The following SHOC2 variants were observed in gnomAD, a reference collection of about 807,000 sequenced individuals.
The protein encoded by SHOC2 is SHOC2 leucine rich repeat scaffold protein.
Under a neutral mutation model 50.2 loss-of-function variants are expected in SHOC2, and 4 were observed. That is an observed-to-expected ratio of 0.08 (90% CI 0.04 to 0.18). The LOEUF (loss-of-function observed/expected upper bound fraction) is 0.18, where lower values mean the gene tolerates loss of function less well. Ranked by LOEUF, SHOC2 falls within the 10% of genes least tolerant of loss-of-function variation. The probability of loss-of-function intolerance (pLI) is 1.00; values close to 1 mark genes in which losing one functional copy is unlikely to be tolerated. For synonymous variants in SHOC2, 218 were observed against 244.5 expected, an observed-to-expected ratio of 0.89 and a Z score of 1.01; for missense variants, 388 against 669.6, an observed-to-expected ratio of 0.58 and a Z score of 4.64.
intron 1 of SHOC2, among the ~76,000 whole-genome samples, chr10:110,942,850 A>G (rs2134093207): frequency 6.6e-6 from 1 of 152,326 alleles, no homozygotes; most frequent in Admixed American, 6.5e-5. Context: ...GACAGTTTAA[A>G]AAAATTCTTT....
chr10:110,964,202 T>G lies in SHOC2; in HGVS notation c.-157T>G. On this transcript the variant is annotated 5_prime_UTR_variant, in exon 2 of 9. An upstream open reading frame in the 5' UTR gains an earlier in-frame stop. Coordinates refer to ENST00000369452, the MANE Select transcript of SHOC2 (RefSeq NM_007373.4). The surrounding 1 kb of genome is among the most constrained non-coding windows in gnomAD (Gnocchi z 4.9). The stretch of plus-strand genomic sequence containing the variant: ...TGATCAGAAATGGGCATAGTGCTTT[T>G]AGATCCAACATGTAACAGATGGATG... 1 of 1,148,452 alleles carries G rather than the reference T, an allele frequency of 8.7e-7. No homozygotes were observed. The highest frequency in any genetic ancestry group is 1.6e-5 in the South Asian group (1 of 63,042). 71.1% of individuals were successfully genotyped at this position (1,148,452 alleles called of 1,614,324 possible). A position where few individuals can be genotyped will look rare whatever the true frequency, so the allele number is the denominator to read the frequency against.
At chr10:111,003,386 A>G (rs1213833541) in intron 4 of SHOC2, among the ~76,000 whole-genome samples, 1 of 152,192 alleles carries the variant, frequency 6.6e-6, no homozygotes, top group Non-Finnish European at 1.5e-5. Flanking sequence ...TTCAAGATCT[A>G]GCTCACTGTC....
intron 3 of SHOC2, among the ~76,000 whole-genome samples, chr10:110,989,740 A>G (rs1406008623): frequency 6.6e-6 from 1 of 152,144 alleles, no homozygotes; most frequent in Non-Finnish European, 1.5e-5. Flanking sequence ...ATTTTTCAGG[A>G]TCATATTTTC....
chr10:110,921,138 GC>G (rs1846638612), intron 1 of SHOC2, among the ~76,000 whole-genome samples: 2 of 152,252 alleles, frequency 1.3e-5, no homozygotes. Context: ...AAGAGACTTA[GC>G]TATTGCATCC....
At chr10:110,989,229 T>G (rs1219797435) in intron 3 of SHOC2, among the ~76,000 whole-genome samples, 1 of 152,240 alleles carries the variant, frequency 6.6e-6, no homozygotes, top group Non-Finnish European at 1.5e-5. Flanking sequence ...TCAATGAGTT[T>G]ATTCTACTTT....
chr10:110,948,364 C>T (rs1847288089), intron 1 of SHOC2, among the ~76,000 whole-genome samples: 1 of 152,152 alleles, frequency 6.6e-6, no homozygotes. Context: ...AAATAACAGA[C>T]TTGAACAACA....
intron 1 of SHOC2, among the ~76,000 whole-genome samples, chr10:110,952,515 C>T (rs1847375550): frequency 6.6e-6 from 1 of 152,000 alleles, no homozygotes; most frequent in Non-Finnish European, 1.5e-5. Flanking sequence ...ACCTATTCAT[C>T]CCTCACTCCC....
chr10:110,961,365 C>T (rs1363237007), intron 1 of SHOC2, among the ~76,000 whole-genome samples: 2 of 152,096 alleles, frequency 1.3e-5, no homozygotes, highest in East Asian at 3.8e-4. Flanking sequence ...TTATCTAAAA[C>T]GTTTGACAGT....
intron 3 of SHOC2, 84 bp from the exon 4 acceptor site, chr10:111,000,331 A>G: frequency 7.3e-7 from 1 of 1,370,134 alleles, no homozygotes; most frequent in Non-Finnish European, 1.0e-6. Context: ...AGTAATTTGT[A>G]AATAGTTAGT....
chr10:110,971,368 T>A (rs1480546489), intron 2 of SHOC2, among the ~76,000 whole-genome samples: 3 of 152,130 alleles, frequency 2.0e-5, no homozygotes, highest in Non-Finnish European at 4.4e-5. Context: ...GCTGTAAATA[T>A]GTGGATTTAT....
intron 3 of SHOC2, among the ~76,000 whole-genome samples, chr10:110,990,417 G>A (rs1200195022): frequency 6.6e-6 from 1 of 152,164 alleles, no homozygotes; most frequent in Non-Finnish European, 1.5e-5. Flanking sequence ...AGCACCCTGT[G>A]TTTAGCTCAA....
At chr10:111,006,101 CA>C (rs1338934214) in intron 5 of SHOC2, among the ~76,000 whole-genome samples, 3 of 152,150 alleles carry the variant, frequency 2.0e-5, no homozygotes, top group Admixed American at 2.0e-4. Flanking sequence ...GCTTAAAACA[CA>C]ATGGTTCAGG....
chr10:110,937,917 G>A (rs1847060925), intron 1 of SHOC2, among the ~76,000 whole-genome samples: 1 of 152,138 alleles, frequency 6.6e-6, no homozygotes, highest in African/African-American at 2.4e-5. Context: ...ACTAAAGTTA[G>A]GGTTTAGTTT....
chr10:110,969,247 G>C lies in SHOC2; in HGVS notation c.703+4186G>C, dbSNP rs183902747. On this transcript the variant is annotated intron_variant, in intron 2 of 8. Transcript: ENST00000369452. ...TATAGATCAGTGTTCCATTCTTCCT[G>C]TCATTCCTTCTTTCTCCATTTCTAA... Among the ~76,000 whole-genome samples, 4 of 152,160 alleles carry C rather than the reference G, an allele frequency of 2.6e-5. No individual in the cohort carries two copies. In the East Asian group the frequency reaches 7.7e-4, roughly 29 times the overall value.
intron 8 of SHOC2, among the ~76,000 whole-genome samples, chr10:111,010,893 T>C (rs966666725): frequency 3.1e-4 from 47 of 152,324 alleles, no homozygotes; most frequent in African/African-American, 1.1e-3. Context: ...AGCTATTATT[T>C]CTGTTATTTT....
intron 2 of SHOC2, among the ~76,000 whole-genome samples, chr10:110,981,323 A>G (rs776556867): frequency 7.9e-5 from 12 of 152,234 alleles, no homozygotes; most frequent in Non-Finnish European, 1.6e-4. Flanking sequence ...GAGAATGTAC[A>G]TATCAATAAT....
intron 3 of SHOC2, among the ~76,000 whole-genome samples, chr10:110,991,179 G>A (rs920509144): frequency 2.0e-5 from 3 of 152,136 alleles, no homozygotes; most frequent in African/African-American, 7.2e-5. Flanking sequence ...AGTCAAAGGG[G>A]CATGCGATTA....
chr10:110,974,135 T>G (rs1847833623), intron 2 of SHOC2, among the ~76,000 whole-genome samples: 1 of 152,100 alleles, frequency 6.6e-6, no homozygotes, highest in South Asian at 2.1e-4. Flanking sequence ...ATTATATAAC[T>G]ATTTCATAGC....
chr10:110,935,053 G>T (rs535259090), intron 1 of SHOC2, among the ~76,000 whole-genome samples: 1 of 152,052 alleles, frequency 6.6e-6, no homozygotes. Flanking sequence ...GCATATATAT[G>T]TATATATTTT....
Sources: gnomAD v4.1 joint callset for allele counts (sites outside exome capture counted in the v4.1 genomes callset) on GRCh38, gnomAD v4.1.1 for gene constraint, Gnocchi (gnomAD v3.1) non-coding constraint, MANE v1.5 for transcripts, NCBI Gene and HGNC (gene_info 2026-07-23, HGNC 2026-07-21) for gene names.